The following TTC6 variants were observed in gnomAD, a reference collection of about 807,000 sequenced individuals.
The protein encoded by TTC6 is tetratricopeptide repeat protein 6.
A neutral mutation model predicts 210.4 loss-of-function variants in TTC6; 172 were observed. The observed-to-expected ratio is 0.82, with a 90% confidence interval of 0.72 to 0.93. TTC6 has a LOEUF of 0.93. Ranked by LOEUF, TTC6 falls within the 40% of genes least tolerant of loss-of-function variation. TTC6 has a pLI of 0.00. For missense variants in TTC6, 2,414 were observed against 2,318.1 expected (o/e 1.04, Z -0.85); for synonymous variants, 804 against 819.6 (o/e 0.98, Z 0.32).
At chr14:37,809,181 A>C (rs919401595) in intron 24 of TTC6, among the ~76,000 whole-genome samples, 1 of 152,142 alleles carries the variant, frequency 6.6e-6, no homozygotes, top group Non-Finnish European at 1.5e-5. Flanking sequence ...GAAGTATTTA[A>C]AGGCATTTAT....
intron 17 of TTC6, among the ~76,000 whole-genome samples, chr14:37,794,689 G>C (rs540245535): frequency 4.6e-5 from 7 of 151,902 alleles, no homozygotes; most frequent in African/African-American, 1.7e-4. Context: ...TTTTTAAGTG[G>C]AATAGAGTTT....
At chr14:37,731,989 A>G (rs1310713103) in intron 7 of TTC6, among the ~76,000 whole-genome samples, 2 of 152,016 alleles carry the variant, frequency 1.3e-5, no homozygotes, top group African/African-American at 2.4e-5. Context: ...TGTAAAAGTT[A>G]TATATAATTG....
chr14:37,630,086 C>T (rs1187479756), intron 1 of TTC6, among the ~76,000 whole-genome samples: 1 of 152,038 alleles, frequency 6.6e-6, no homozygotes, highest in Non-Finnish European at 1.5e-5. Context: ...TCCTTTGGTT[C>T]TGATCTCATT....
intron 21 of TTC6, among the ~76,000 whole-genome samples, chr14:37,805,416 G>GACACACACACACACAC (rs60931072): frequency 6.8e-6 from 1 of 146,412 alleles, no homozygotes; most frequent in Non-Finnish European, 1.5e-5. Context: ...TCTATCTCAA[G>GACACACACACACACAC]ACACACACAC....
chr14:37,720,402 T>C (rs1183928125), intron 6 of TTC6: 1 of 152,090 alleles, frequency 6.6e-6, no homozygotes. Flanking sequence ...TATAATTACA[T>C]TATAATTTGT....
At chr14:37,718,291 A>G (rs2138784554) in intron 6 of TTC6, among the ~76,000 whole-genome samples, 1 of 152,346 alleles carries the variant, frequency 6.6e-6, no homozygotes, top group African/African-American at 2.4e-5. Flanking sequence ...GTAATTCATC[A>G]TTTTAACAGA....
intron 16 of TTC6, 87 bp from the exon 19 acceptor site, chr14:37,792,177 C>A (rs1259316326): frequency 1.9e-6 from 2 of 1,041,904 alleles, no homozygotes; most frequent in Admixed American, 3.1e-5. Flanking sequence ...ACTGATGCAT[C>A]TGTTTCATTC....
At chr14:37,725,187 A>G (rs2095869159) in intron 7 of TTC6, among the ~76,000 whole-genome samples, 185 bp downstream of exon 9, 1 of 149,546 alleles carries the variant, frequency 6.7e-6, no homozygotes, top group African/African-American at 2.4e-5. Context: ...GTATGTATGT[A>G]TACAAATATA....
At chr14:37,781,767 G>A (rs2096055478) in intron 14 of TTC6, among the ~76,000 whole-genome samples, 2 of 152,108 alleles carry the variant, frequency 1.3e-5, no homozygotes, top group Admixed American at 1.3e-4. Context: ...TAGGTCTGAT[G>A]TTTAAGTCTT....
chr14:37,661,326 C>T (rs1030996911), intron 1 of TTC6, among the ~76,000 whole-genome samples: 1 of 152,148 alleles, frequency 6.6e-6, no homozygotes, highest in Non-Finnish European at 1.5e-5. Context: ...TGGGATTTTA[C>T]ATTTAAATCT....
chr14:37,827,958 C>T (rs2096176174), intron 29 of TTC6: 1 of 152,248 alleles, frequency 6.6e-6, no homozygotes, highest in Non-Finnish European at 1.5e-5. Flanking sequence ...CTTGTGATAT[C>T]TATTGTCACT....
At chr14:37,673,207 A>G (rs1401185785) in intron 1 of TTC6, among the ~76,000 whole-genome samples, 1 of 152,168 alleles carries the variant, frequency 6.6e-6, no homozygotes, top group Admixed American at 6.6e-5. Context: ...ACGGATGTCA[A>G]GCAGCCCTGA....
chr14:37,627,358 G>A (rs1038979689), intron 1 of TTC6, among the ~76,000 whole-genome samples: 8 of 151,468 alleles, frequency 5.3e-5, no homozygotes, highest in African/African-American at 1.7e-4. Flanking sequence ...ACATGTGCAG[G>A]TTTGTTACAT....
chr14:37,748,896 T>G, intron 10 of TTC6, 43 bp from the exon 13 acceptor site: 1 of 1,380,184 alleles, frequency 7.2e-7, no homozygotes, highest in Non-Finnish European at 9.5e-7. Context: ...AGAAAGATGA[T>G]TGTATTTCTG....
At chr14:37,813,624 A>G (rs990387501) in intron 25 of TTC6, among the ~76,000 whole-genome samples, 19 of 152,238 alleles carry the variant, frequency 1.2e-4, no homozygotes, top group African/African-American at 4.3e-4. Context: ...AAAGAGGTTA[A>G]ATAAGGTCTT....
intron 1 of TTC6, among the ~76,000 whole-genome samples, chr14:37,602,575 G>A (rs902919456): frequency 6.6e-6 from 1 of 152,148 alleles, no homozygotes; most frequent in Non-Finnish European, 1.5e-5. Flanking sequence ...ATCCTCCGCC[G>A]CATCTGGTGT....
At chr14:37,613,554 G>A (rs746167429) in intron 2 of TTC6, among the ~76,000 whole-genome samples, 1 of 152,088 alleles carries the variant, frequency 6.6e-6, no homozygotes, top group Non-Finnish European at 1.5e-5. Flanking sequence ...ATTTATGTAA[G>A]ATGGGTGTTA....
At chr14:37,763,320 C>T (rs2095990103) in intron 14 of TTC6, among the ~76,000 whole-genome samples, 1 of 152,078 alleles carries the variant, frequency 6.6e-6, no homozygotes, top group Non-Finnish European at 1.5e-5. Flanking sequence ...CAGGGTAATG[C>T]TGCTTTAATA....
Position 37,714,344 on chromosome 14 carries a change from A to G in TTC6, c.1572-311A>G, listed in dbSNP as rs528842592. Among the ~76,000 whole-genome samples the G allele has an allele frequency of 5.9e-5, 9 of 151,508 alleles. 2 individuals carry two copies. In the South Asian group the frequency reaches 1.9e-3, roughly 32 times the overall value. The stretch of plus-strand genomic sequence containing the variant: ...GAGCTTGGAATGGGGAGTAGGTGAG[A>G]GATCAGAAGGTAAAGAAGTTTTTTT... On this transcript the variant is annotated intron_variant, in intron 5 of 30. Transcript: ENST00000553443.
Sources: gnomAD v4.1 joint callset for allele counts (sites outside exome capture counted in the v4.1 genomes callset) on GRCh38, gnomAD v4.1.1 for gene constraint, MANE v1.5 for transcripts, NCBI Gene and HGNC (gene_info 2026-07-23, HGNC 2026-07-21) for gene names.